RBM47: variants seen among roughly 807,000 people sequenced by gnomAD.
RBM47 encodes the protein RNA binding motif protein 47, also known as RNA-binding protein 47.
RBM47 carries 21 observed loss-of-function variants against 47.1 expected under a neutral mutation model. That is an observed-to-expected ratio of 0.45 (90% CI 0.32 to 0.64). The LOEUF (loss-of-function observed/expected upper bound fraction) is 0.64. Among genes scored for constraint, RBM47 ranks in the 30% least tolerant of loss-of-function variants. The pLI is 0.05. For missense variants in RBM47, 708 were observed against 870.9 expected (o/e 0.81, Z 2.35); for synonymous variants, 375 against 361.7 (o/e 1.04, Z -0.42).
chr4:40,530,457 C>A (rs1423928121), intron 2 of RBM47, among the ~76,000 whole-genome samples: 1 of 152,036 alleles, frequency 6.6e-6, no homozygotes, highest in African/African-American at 2.4e-5. Flanking sequence ...CACACGCCAT[C>A]GCACCCAGCT....
At chr4:40,559,817 A>G (rs1408953769) in intron 1 of RBM47, among the ~76,000 whole-genome samples, 1 of 152,208 alleles carries the variant, frequency 6.6e-6, no homozygotes, top group Non-Finnish European at 1.5e-5. Context: ...TGTTGGCAGC[A>G]CATAATATGC....
chr4:40,598,181 T>C (rs932771206), intron 1 of RBM47, among the ~76,000 whole-genome samples: 2 of 152,208 alleles, frequency 1.3e-5, no homozygotes, highest in African/African-American at 4.8e-5. Flanking sequence ...TTTGCCGCAA[T>C]GTCTAATGGG....
intron 2 of RBM47, among the ~76,000 whole-genome samples, chr4:40,480,866 A>C (rs1240577862): frequency 2.0e-5 from 3 of 152,220 alleles, no homozygotes; most frequent in Admixed American, 1.3e-4. Flanking sequence ...AGTTCAGAAT[A>C]CATATTGAAT....
intron 2 of RBM47, among the ~76,000 whole-genome samples, chr4:40,495,135 T>G (rs1373132010): frequency 6.6e-6 from 1 of 152,146 alleles, no homozygotes; most frequent in Non-Finnish European, 1.5e-5. Context: ...AGGTTTCTAT[T>G]ACTTGCAGCC....
chr4:40,616,369 A>G (rs12646484), intron 1 of RBM47, among the ~76,000 whole-genome samples: 32 of 44,132 alleles, frequency 7.3e-4, no homozygotes, highest in Admixed American at 3.4e-3. Context: ...AAAAAAAAAG[A>G]AAAAAAAAAA....
intron 1 of RBM47, among the ~76,000 whole-genome samples, chr4:40,618,301 C>CT (rs1736928200): frequency 6.6e-6 from 1 of 152,024 alleles, no homozygotes; most frequent in African/African-American, 2.4e-5. Context: ...TGTGATGTGC[C>CT]TGTAGTCCCA....
chr4:40,627,349 T>G (rs752571791), intron 1 of RBM47, among the ~76,000 whole-genome samples: 1 of 152,196 alleles, frequency 6.6e-6, no homozygotes. Context: ...CCCAGAATTA[T>G]GTATCTTCTG....
chr4:40,540,091 G>A (rs1333319503), intron 2 of RBM47, among the ~76,000 whole-genome samples: 1 of 152,124 alleles, frequency 6.6e-6, no homozygotes, highest in East Asian at 1.9e-4. Flanking sequence ...CAGGAGCCCT[G>A]TGGTATTTCC....
intron 2 of RBM47, among the ~76,000 whole-genome samples, chr4:40,484,626 T>C (rs1405179957): frequency 6.6e-6 from 1 of 152,234 alleles, no homozygotes; most frequent in Non-Finnish European, 1.5e-5. Context: ...TAACTTATGA[T>C]GACAAATCAC....
intron 1 of RBM47, among the ~76,000 whole-genome samples, chr4:40,625,669 C>T (rs900610305): frequency 6.6e-6 from 1 of 152,116 alleles, no homozygotes; most frequent in African/African-American, 2.4e-5. Flanking sequence ...GCTCATTCAG[C>T]GTACACCCAC....
chr4:40,566,488 T>C (rs1320151671), intron 1 of RBM47, among the ~76,000 whole-genome samples: 1 of 151,678 alleles, frequency 6.6e-6, no homozygotes, highest in African/African-American at 2.4e-5. Flanking sequence ...CTACTAAAAA[T>C]ACAAAAATTA....
chr4:40,435,441 C>T (rs757081162), intron 5 of RBM47, among the ~76,000 whole-genome samples: 4 of 151,924 alleles, frequency 2.6e-5, no homozygotes, highest in South Asian at 2.1e-4. Flanking sequence ...TCCAGCTACT[C>T]GGGAGGTTGA....
At chr4:40,484,221 T>A (rs116370693) in intron 2 of RBM47, among the ~76,000 whole-genome samples, 94 of 152,342 alleles carry the variant, frequency 6.2e-4, no homozygotes, top group Non-Finnish European at 1.1e-3. Flanking sequence ...AGTAAGAATA[T>A]GAATATGGGT....
intron 2 of RBM47, among the ~76,000 whole-genome samples, chr4:40,534,733 G>A (rs1372552030): frequency 1.3e-5 from 2 of 152,068 alleles, no homozygotes; most frequent in East Asian, 3.9e-4. Context: ...AGCAGATAAA[G>A]ACCATCCTGG....
chr4:40,572,957 G>T (rs1248065088), intron 1 of RBM47, among the ~76,000 whole-genome samples: 1 of 151,440 alleles, frequency 6.6e-6, no homozygotes, highest in Non-Finnish European at 1.5e-5. Flanking sequence ...TTCAAGACTA[G>T]CCTGGCCAAA....
chr4:40,479,474 A>G (rs1290174459), intron 2 of RBM47, among the ~76,000 whole-genome samples: 2 of 152,090 alleles, frequency 1.3e-5, no homozygotes, highest in Non-Finnish European at 2.9e-5. Context: ...ATGGTGACAT[A>G]TGCCTGTGGT....
At chr4:40,436,339 C>A in intron 5 of RBM47, 102 bp downstream of exon 5, 1 of 1,135,994 alleles carries the variant, frequency 8.8e-7, no homozygotes. Flanking sequence ...AAGAGGAACC[C>A]CTGTGCAGAT....
intron 1 of RBM47, among the ~76,000 whole-genome samples, chr4:40,554,197 G>A (rs1051552695): frequency 1.3e-5 from 2 of 152,004 alleles, no homozygotes; most frequent in African/African-American, 4.8e-5. Flanking sequence ...TCTCATTACT[G>A]TCCCAATGAT....
intron 1 of RBM47, among the ~76,000 whole-genome samples, chr4:40,566,093 AG>A (rs2154267465): frequency 6.6e-6 from 1 of 152,182 alleles, no homozygotes; most frequent in Non-Finnish European, 1.5e-5. Context: ...AAAAGGAAAA[AG>A]ATGGACAGAA....
Sources: gnomAD v4.1 joint callset for allele counts (sites outside exome capture counted in the v4.1 genomes callset) on GRCh38, gnomAD v4.1.1 for gene constraint, MANE v1.5 for transcripts, NCBI Gene and HGNC (gene_info 2026-07-23, HGNC 2026-07-21) for gene names.